Variants in PDLIM2 observed in about 807,000 individuals in gnomAD.
PDLIM2 encodes PDZ and LIM domain 2, also known as PDZ and LIM domain protein 2.
A neutral mutation model predicts 54.1 loss-of-function variants in PDLIM2; 51 were observed. That is an observed-to-expected ratio of 0.94 (90% CI 0.75 to 1.19). PDLIM2 has a LOEUF of 1.19. Ranked by LOEUF, PDLIM2 falls within the 50% of genes most tolerant of loss-of-function variation. PDLIM2 has a pLI of 0.00. For missense variants in PDLIM2, 912 were observed against 874.0 expected (o/e 1.04, Z -0.55); for synonymous variants, 398 against 385.6 (o/e 1.03, Z -0.38).
intron 7 of PDLIM2, 74 bp downstream of exon 6, chr8:22,589,448 C>G (rs1000411599): frequency 2.6e-6 from 4 of 1,529,496 alleles, no homozygotes; most frequent in Non-Finnish European, 3.5e-6. Context: ...CGGGCTTCCC[C>G]GAGAGGGATG....
chr8:22,586,889 T>C (rs1266223737), intron 6 of PDLIM2, among the ~76,000 whole-genome samples: 1 of 152,104 alleles, frequency 6.6e-6, no homozygotes, highest in African/African-American at 2.4e-5. Flanking sequence ...ACCCGCTGAA[T>C]TGGGCATGGG....
rs754320168 is a variant in PDLIM2, at chr8:22,591,681, G to T, written c.1631+13G>T. ...GTACCAGCATCGCGTGAGTGTGGAGGGGGGTGGGGGACCTGAGCCTTCACA... is the reference window on the plus strand; with the variant it reads ...GTACCAGCATCGCGTGAGTGTGGAGTGGGGTGGGGGACCTGAGCCTTCACA... On this transcript the variant is annotated intron_variant, in intron 9 of 9. Coordinates refer to ENST00000308354, the Ensembl canonical transcript of PDLIM2. 4 of 1,599,254 alleles carry T rather than the reference G, an allele frequency of 2.5e-6. No homozygotes were observed. Among genetic ancestry groups the T allele is most frequent in the Non-Finnish European group, 3.4e-6 (4 of 1,171,390 alleles).
chr8:22,589,516 C>T (rs1325196430), intron 7 of PDLIM2, 80 bp from the exon 7 acceptor site: 1 of 1,511,398 alleles, frequency 6.6e-7, no homozygotes, highest in Non-Finnish European at 8.9e-7. Flanking sequence ...CTCCCCCACG[C>T]TCTTCTCCTG....
chr8:22,595,215 G>C (rs1201840242), downstream of PDLIM2: 1 of 152,804 alleles, frequency 6.5e-6, no homozygotes, highest in African/African-American at 2.4e-5. Context: ...GCAGATGTTT[G>C]TGTTGCCTCC....
intron 3 of PDLIM2, among the ~76,000 whole-genome samples, chr8:22,583,852 T>TAAA (rs1800284754): frequency 1.4e-4 from 1 of 7,320 alleles, no homozygotes; most frequent in African/African-American, 5.6e-4. Context: ...CCAGGCAAAA[T>TAAA]AGAAAAAAAA....
In PDLIM2 at chr8:22,594,065, C is replaced by T. The variant is rs1237946799; in HGVS notation, c.*155C>T. The T allele has an allele frequency of 9.0e-6, 13 of 1,445,184 alleles. No individual in the cohort carries two copies. In the Admixed American group the frequency reaches 2.4e-4, roughly 26 times the overall value. 89.5% of individuals were successfully genotyped at this position (1,445,184 alleles called of 1,614,324 possible). ...TCGCTGGGTGGGCCAAGGTCTGGGA[C>T]CTGTCTTGGACTGTGGGAGACTCAC... On this transcript the variant is annotated 3_prime_UTR_variant, in exon 10 of 10. Transcript: ENST00000308354.
chr8:22,586,837 T>C (rs139575900), intron 6 of PDLIM2, among the ~76,000 whole-genome samples: 3 of 152,178 alleles, frequency 2.0e-5, no homozygotes, highest in Non-Finnish European at 2.9e-5. Context: ...CGGCAACACC[T>C]GAGAACTTGT....
chr8:22,589,427 C>T lies in PDLIM2; in HGVS notation c.1367+53C>T. 4 of 1,530,734 alleles carry T rather than the reference C, an allele frequency of 2.6e-6. No homozygotes were observed. In the South Asian group the frequency reaches 3.6e-5, roughly 14 times the overall value. The allele number at this position is 1,530,734 out of a possible 1,614,324, so 94.8% of individuals were successfully genotyped here. On this transcript the variant is annotated intron_variant, in intron 7 of 9. Coordinates refer to ENST00000308354, the Ensembl canonical transcript of PDLIM2. ...TGGGGTCTTGGAAGGCTGGGAGGGG[C>T]AGGAGGGAGACGGGCTTCCCCGAGA...
At chr8:22,579,491 G>GGCGCCCGCA (rs752729245) in exon 1 of PDLIM2, 1 of 1,510,102 alleles carries the variant, frequency 6.6e-7, no homozygotes, top group South Asian at 1.2e-5. Context: ...ACCTCCCCGC[G>GGCGCCCGCA]GCGCCCGCAG....
chr8:22,587,416 C>T (rs1157763020), intron 6 of PDLIM2, among the ~76,000 whole-genome samples: 1 of 152,072 alleles, frequency 6.6e-6, no homozygotes, highest in Non-Finnish European at 1.5e-5. Context: ...CTAAGAGGTC[C>T]CATGAGAAAG....
Position 22,585,284 on chromosome 8 carries a change from G to A in PDLIM2, c.1212-37G>A, listed in dbSNP as rs775804602. On this transcript the variant is annotated intron_variant, in intron 5 of 9. Coordinates refer to ENST00000308354, the Ensembl canonical transcript of PDLIM2. ...AGCATCCTCCCTGGGCAGGCTGGGGGTGGCCCTGGCACACACTGTCCCTTT... is the reference window on the plus strand; with the variant it reads ...AGCATCCTCCCTGGGCAGGCTGGGGATGGCCCTGGCACACACTGTCCCTTT... 2.9e-5 allele frequency: 47 copies of A among 1,608,228 alleles called. 1 individual carries two copies. In the East Asian group the frequency reaches 1.0e-3, roughly 35 times the overall value.
At chr8:22,581,565 C>T (rs778886427) in intron 3 of PDLIM2, 35 bp downstream of exon 2, 2 of 1,534,450 alleles carry the variant, frequency 1.3e-6, no homozygotes, top group South Asian at 2.5e-5. Flanking sequence ...CTGTGGCATT[C>T]CCCCTCCTCC....
chr8:22,579,007 A>G (rs1277350345), exon 1 of PDLIM2: 3 of 1,244,294 alleles, frequency 2.4e-6, no homozygotes, highest in Non-Finnish European at 3.0e-6. Context: ...GGCTCGGGCC[A>G]GGTGGCAGCG....
chr8:22,588,096 C>G (rs866527916), intron 6 of PDLIM2: 1 of 152,272 alleles, frequency 6.6e-6, no homozygotes. Context: ...CGCACAGCCC[C>G]GGGCAGTTGC....
exon 1 of PDLIM2, chr8:22,578,747 A>T (rs989715058): frequency 8.1e-7 from 1 of 1,233,268 alleles, no homozygotes; most frequent in South Asian, 4.1e-5. Context: ...CCGCAGACAC[A>T]CCCAGGCAGC....
At chr8:22,585,076 A>C in exon 5 of PDLIM2, 1 of 1,613,990 alleles carries the variant, frequency 6.2e-7, no homozygotes, top group South Asian at 1.1e-5. Context: ...ACTCCAGCCC[A>C]ACCTCCCTCA....
downstream of PDLIM2, chr8:22,596,890 C>A (rs1800694618): frequency 6.6e-6 from 1 of 152,174 alleles, no homozygotes; most frequent in African/African-American, 2.4e-5. Context: ...AGTAAATGGT[C>A]CAAGTACTCC....
At chr8:22,589,104 C>CA (rs1800456989) in intron 6 of PDLIM2, 194 bp from the exon 6 acceptor site, 1 of 503,500 alleles carries the variant, frequency 2.0e-6, no homozygotes, top group East Asian at 2.9e-5. Flanking sequence ...AGGGAAGGGG[C>CA]AGGGGGCCCG....
chr8:22,579,247 C>G, exon 1 of PDLIM2: 1 of 1,359,728 alleles, frequency 7.4e-7, no homozygotes, highest in African/African-American at 1.5e-5. Context: ...ACCTGCGCCT[C>G]TCCGCGCGGC....
Sources: gnomAD v4.1 joint callset for allele counts (sites outside exome capture counted in the v4.1 genomes callset) on GRCh38, gnomAD v4.1.1 for gene constraint, MANE v1.5 for transcripts, NCBI Gene and HGNC (gene_info 2026-07-23, HGNC 2026-07-21) for gene names.